Variants in FRMD5 observed in about 807,000 individuals in gnomAD.
FRMD5 encodes FERM domain-containing protein 5.
FRMD5 carries 20 observed loss-of-function variants against 69.0 expected under a neutral mutation model. The observed-to-expected ratio is 0.29, with a 90% confidence interval of 0.20 to 0.42. The LOEUF (loss-of-function observed/expected upper bound fraction) is 0.42. FRMD5 is among the 10% of genes least tolerant of loss of function. The pLI is 1.00. For missense variants in FRMD5, 595 were observed against 708.6 expected, an observed-to-expected ratio of 0.84 and a Z score of 1.82; for synonymous variants, 271 against 260.1, an observed-to-expected ratio of 1.04 and a Z score of -0.40.
chr15:44,017,419 C>T (rs1362554977), intron 1 of FRMD5, among the ~76,000 whole-genome samples: 1 of 151,454 alleles, frequency 6.6e-6, no homozygotes, highest in African/African-American at 2.4e-5. Context: ...CATGTATCTG[C>T]CAGTATTTTG....
At chr15:43,999,017 A>G (rs935200992) in intron 1 of FRMD5, among the ~76,000 whole-genome samples, 4 of 152,138 alleles carry the variant, frequency 2.6e-5, no homozygotes, top group African/African-American at 9.7e-5. Context: ...ACAGACGATA[A>G]TTTCATTCCT....
intron 1 of FRMD5, among the ~76,000 whole-genome samples, chr15:44,144,904 G>C (rs1437042777): frequency 1.3e-5 from 2 of 152,164 alleles, no homozygotes; most frequent in African/African-American, 4.8e-5. Flanking sequence ...GGTCCTAAGT[G>C]CAGGGTTGGT....
chr15:43,880,553 T>C (rs186933111), intron 13 of FRMD5, among the ~76,000 whole-genome samples: 2 of 152,258 alleles, frequency 1.3e-5, no homozygotes, highest in Admixed American at 6.5e-5. Flanking sequence ...TACAATCTTT[T>C]ATTTATTTCC....
chr15:43,943,707 T>C (rs145216850), intron 1 of FRMD5, among the ~76,000 whole-genome samples: 184 of 152,330 alleles, frequency 1.2e-3, no homozygotes, highest in African/African-American at 4.3e-3. Context: ...ATGGCAAGGA[T>C]TGCCAGCAAC....
chr15:43,915,011 G>A (rs550083349), intron 4 of FRMD5, among the ~76,000 whole-genome samples: 13 of 152,316 alleles, frequency 8.5e-5, no homozygotes, highest in African/African-American at 3.1e-4. Context: ...ACAGGCGTGA[G>A]CCACTGCGCC....
chr15:44,041,315 C>A (rs1158433408), intron 1 of FRMD5, among the ~76,000 whole-genome samples: 1 of 152,228 alleles, frequency 6.6e-6, no homozygotes, highest in South Asian at 2.1e-4. Flanking sequence ...ACAAGGATAT[C>A]CAGGACTTGA....
At chr15:43,965,591 T>C (rs2090280834) in intron 1 of FRMD5, among the ~76,000 whole-genome samples, 1 of 149,974 alleles carries the variant, frequency 6.7e-6, no homozygotes, top group Admixed American at 6.6e-5. Flanking sequence ...TTTTTTTTTT[T>C]TTTTTTTGAG....
At chr15:44,017,006 G>A (rs963304070) in intron 1 of FRMD5, among the ~76,000 whole-genome samples, 5 of 151,978 alleles carry the variant, frequency 3.3e-5, no homozygotes, top group Admixed American at 6.6e-5. Flanking sequence ...CTGGGCTCAA[G>A]TGATCTGCCC....
intron 1 of FRMD5, among the ~76,000 whole-genome samples, chr15:43,974,800 G>C (rs2090439101): frequency 6.6e-6 from 1 of 152,190 alleles, no homozygotes; most frequent in South Asian, 2.1e-4. Context: ...GAAATCAAAG[G>C]CTTCCTTTTT....
rs2088218244 is a variant in FRMD5, at chr15:43,873,397, G to C, written c.*488C>G. On this transcript the variant is annotated 3_prime_UTR_variant, in exon 14 of 14. Transcript: ENST00000417257. The stretch of plus-strand genomic sequence containing the variant: ...ATTGTCCAGATCCCTGGCCTGCCCT[G>C]CTGAGGCTGCAGTGATGAGTCTACT... 1 of 1,440,954 alleles carries C rather than the reference G, an allele frequency of 6.9e-7. No individual in the cohort carries two copies. Among genetic ancestry groups the C allele is most frequent in the African/African-American group, 1.4e-5 (1 of 69,758 alleles). 89.3% of individuals were successfully genotyped at this position (1,440,954 alleles called of 1,614,324 possible).
chr15:44,084,096 C>A (rs1894097439), intron 1 of FRMD5, among the ~76,000 whole-genome samples: 1 of 151,984 alleles, frequency 6.6e-6, no homozygotes, highest in East Asian at 1.9e-4. Flanking sequence ...TCCAACTCTG[C>A]CACTGACTGG....
chr15:43,908,327 CAAAAAAAAA>C (rs58337379), intron 5 of FRMD5, among the ~76,000 whole-genome samples: 7 of 107,962 alleles, frequency 6.5e-5, no homozygotes, highest in African/African-American at 2.5e-4. Context: ...GATCCTGTCT[CAAAAAAAAA>C]AAAAAAAAAA....
chr15:43,886,983 G>A (rs757973197), intron 10 of FRMD5, among the ~76,000 whole-genome samples: 10 of 152,188 alleles, frequency 6.6e-5, no homozygotes, highest in African/African-American at 1.9e-4. Flanking sequence ...AGATCTACTC[G>A]TGGGAAGACT....
intron 1 of FRMD5, among the ~76,000 whole-genome samples, chr15:43,955,434 T>G (rs991464214): frequency 2.0e-5 from 3 of 152,190 alleles, no homozygotes; most frequent in African/African-American, 7.2e-5. Context: ...CCAAAAATAC[T>G]CAGCATTTGG....
chr15:44,148,990 A>G (rs2077402446), intron 1 of FRMD5, among the ~76,000 whole-genome samples: 1 of 152,182 alleles, frequency 6.6e-6, no homozygotes, highest in Non-Finnish European at 1.5e-5. Context: ...TTAGTCTAAA[A>G]ACTAATATTA....
intron 1 of FRMD5, among the ~76,000 whole-genome samples, chr15:44,000,831 G>A (rs899973830): frequency 6.6e-6 from 1 of 151,186 alleles, no homozygotes; most frequent in African/African-American, 2.4e-5. Context: ...TTTAGTATTT[G>A]GAGATAGGGT....
chr15:44,117,991 CTT>C (rs747747488), intron 1 of FRMD5, among the ~76,000 whole-genome samples: 138 of 92,604 alleles, frequency 1.5e-3, no homozygotes, highest in Middle Eastern at 6.8e-3. Flanking sequence ...TTCTTTTTTA[CTT>C]TTTTTTTTTT....
At chr15:43,995,847 T>TC (rs1279185080) in intron 1 of FRMD5, among the ~76,000 whole-genome samples, 1 of 152,004 alleles carries the variant, frequency 6.6e-6, no homozygotes, top group African/African-American at 2.4e-5. Context: ...GGAACCTTGG[T>TC]CCACATGGAT....
At chr15:44,030,117 C>G (rs150488400) in intron 1 of FRMD5, among the ~76,000 whole-genome samples, 3 of 152,206 alleles carry the variant, frequency 2.0e-5, no homozygotes, top group African/African-American at 2.4e-5. Flanking sequence ...TAAATCTGTA[C>G]TTCCTGGAAC....
Sources: gnomAD v4.1 joint callset for allele counts (sites outside exome capture counted in the v4.1 genomes callset) on GRCh38, gnomAD v4.1.1 for gene constraint, MANE v1.5 for transcripts, NCBI Gene and HGNC (gene_info 2026-07-23, HGNC 2026-07-21) for gene names.